SPATC1L: variants seen among roughly 807,000 people sequenced by gnomAD.
SPATC1L encodes spermatogenesis and centriole associated 1 like, also known as speriolin-like protein.
In SPATC1L, 20 loss-of-function variants were observed where a neutral mutation model predicts 21.2. The observed-to-expected ratio is 0.94, with a 90% CI of 0.66 to 1.37. The LOEUF is 1.37. SPATC1L is among the 40% of genes most tolerant of loss of function. The pLI, the probability that SPATC1L is intolerant of heterozygous loss-of-function variation, is 0.00. For missense variants in SPATC1L, 499 were observed against 478.7 expected (o/e 1.04, Z -0.40); for synonymous variants, 290 against 234.5 (o/e 1.24, Z -2.16).
chr21:46,166,083 T>C (rs62214046), intron 3 of SPATC1L, among the ~76,000 whole-genome samples: 9,063 of 152,218 alleles, frequency 0.06, 371 homozygotes, highest in Non-Finnish European at 0.094. Context: ...TGAATGTAAA[T>C]AGGCAGGTGC....
chr21:46,161,273 C>G lies in SPATC1L; in HGVS notation c.*106G>C. ...GCGGGGCCTTCTCTGGCCTCGCGCG[C>G]GGGGGACGCGGCCCTTTCCCCTCCG... On this transcript the variant is annotated 3_prime_UTR_variant, in exon 5 of 5. Coordinates refer to ENST00000291672, the MANE Select transcript of SPATC1L (RefSeq NM_001142854.2). 1 of 1,138,312 alleles carries G rather than the reference C, an allele frequency of 8.8e-7. No homozygotes were observed. Among genetic ancestry groups the G allele is most frequent in the Non-Finnish European group, 1.2e-6 (1 of 849,470 alleles). The allele number at this position is 1,138,312 out of a possible 1,614,324, so 70.5% of individuals were successfully genotyped here.
intron 2 of SPATC1L, among the ~76,000 whole-genome samples, chr21:46,169,515 T>C: frequency 1.4e-5 from 2 of 138,926 alleles, no homozygotes; most frequent in South Asian, 2.2e-4. Context: ...AGGAGCCCCC[T>C]GCTCTGTGAG....
In SPATC1L at chr21:46,162,680, C is replaced by T. The variant is rs147434776; in HGVS notation, c.545-613G>A. ...CCACTCACCGCAACCTCCGCCTCCC[C>T]GGCTCAAGCGATTCTCCTGCCTCAG... On this transcript the variant is annotated intron_variant, in intron 3 of 4. Coordinates refer to ENST00000291672, the MANE Select transcript of SPATC1L (RefSeq NM_001142854.2). Among the ~76,000 whole-genome samples the T allele has an allele frequency of 2.2e-3, 329 of 151,352 alleles. 1 individual carries two copies. Among genetic ancestry groups the T allele is most frequent in the African/African-American group, 7.4e-3 (304 of 41,118 alleles).
At chr21:46,170,390 T>A (rs2079577568) in intron 2 of SPATC1L, among the ~76,000 whole-genome samples, 1 of 99,208 alleles carries the variant, frequency 1.0e-5, no homozygotes, top group Non-Finnish European at 2.0e-5. Context: ...TCCTCTGTGG[T>A]CCAGGAGGAG....
chr21:46,182,836 G>A lies in SPATC1L; in HGVS notation c.-20C>T, dbSNP rs113955394. 48 of 1,504,958 alleles carry A rather than the reference G, an allele frequency of 3.2e-5. No homozygotes were observed. In the African/African-American group the frequency reaches 4.0e-4, roughly 13 times the overall value. The allele number at this position is 1,504,958 out of a possible 1,614,324, so 93.2% of individuals were successfully genotyped here. ...AGCCATGGCGGGTGCGTCCCTCCTT[G>A]TCCCTCACGGCTCCTGCAGCCCCAT... On this transcript the variant is annotated 5_prime_UTR_variant, in exon 2 of 5. Transcript: ENST00000291672.
At position 46,161,874 on chromosome 21, in the gene SPATC1L, C is replaced by T. The variant is rs114359056; in HGVS notation, c.696+42G>A. The T allele has an allele frequency of 4.6e-3, 7,372 of 1,590,026 alleles. 310 individuals are homozygous for T. The African/African-American group carries it at 0.085, about 18-fold the overall frequency. On this transcript the variant is annotated intron_variant, in intron 4 of 4. Coordinates refer to ENST00000291672, the MANE Select transcript of SPATC1L (RefSeq NM_001142854.2). ...GGGGGCCGCACAGGGACGGACCGAG[C>T]GCCCCGCACCCTCCTGGCCGCGCCC...
intron 3 of SPATC1L, among the ~76,000 whole-genome samples, chr21:46,164,621 A>G (rs1051509506): frequency 2.6e-5 from 4 of 151,832 alleles, no homozygotes; most frequent in African/African-American, 4.8e-5. Flanking sequence ...GTGAAACCCC[A>G]TCTCTACTAA....
chr21:46,181,740 G>A (rs1310633796), intron 2 of SPATC1L, among the ~76,000 whole-genome samples: 1 of 152,154 alleles, frequency 6.6e-6, no homozygotes, highest in African/African-American at 2.4e-5. Context: ...CTGCTCCATC[G>A]TCCAGGACCA....
chr21:46,181,711 C>T (rs952258329), intron 2 of SPATC1L, among the ~76,000 whole-genome samples: 3 of 152,180 alleles, frequency 2.0e-5, no homozygotes, highest in African/African-American at 4.8e-5. Context: ...GCAGTGTTCA[C>T]GGGCACTGGC....
intron 3 of SPATC1L, among the ~76,000 whole-genome samples, chr21:46,162,473 G>T (rs189020220): frequency 6.6e-6 from 1 of 152,126 alleles, no homozygotes; most frequent in Admixed American, 6.5e-5. Flanking sequence ...TGGGAGGAAG[G>T]GGGAGAGTTC....
In SPATC1L at chr21:46,161,499, G is replaced by T; in HGVS notation, c.903C>A (p.Ala301=). 1 of 1,607,202 alleles carries T rather than the reference G, an allele frequency of 6.2e-7. No individual in the cohort carries two copies. Among genetic ancestry groups the T allele is most frequent in the Non-Finnish European group, 8.5e-7 (1 of 1,176,702 alleles). ...LRANPLHSSP[A]ALRKLVIDVV... is the part of the protein sequence containing the mutation. Reference sequence around the variant, plus strand: ...CGTCGATGACCAGCTTGCGCAGCGCGGCCGGGCTGCTGTGCAGGGGGTTGG... The same window carrying T: ...CGTCGATGACCAGCTTGCGCAGCGCTGCCGGGCTGCTGTGCAGGGGGTTGG... Residue 301 remains alanine, a synonymous_variant, in exon 5 of 5, where the codon GCC becomes GCA. Transcript: ENST00000291672.
rs59210617 is a variant in SPATC1L at position 46,167,387 on chromosome 21, A to C, written c.544+921T>G. Reference sequence around the variant, plus strand: ...AGCTAATGATTCATCTTACAGAGCTAGAAATGCAAGAGCAAACCAAATCCA... The same window carrying C: ...AGCTAATGATTCATCTTACAGAGCTCGAAATGCAAGAGCAAACCAAATCCA... On this transcript the variant is annotated intron_variant, in intron 3 of 4. Transcript: ENST00000291672. 3.0e-4 allele frequency among the ~76,000 whole-genome samples: 46 copies of C among 152,370 alleles called. No individual in the cohort carries two copies. In the East Asian group the frequency reaches 6.4e-3, roughly 21 times the overall value.
rs751196576 is a variant in SPATC1L at position 46,182,692 on chromosome 21, C to A, written c.125G>T (p.Gly42Val). ...RRLLSQSCQE[G>V]GGHDLLPPRA... ...GGGTGGGAGCAGGTCGTGGCCGCCG[C>A]CCTCCTGGCAGCTCTGGCTGAGCAG... The change falls in exon 2 of 5, where the codon GGC becomes GTC. Residue 42 changes from glycine to valine, a missense_variant. By Grantham distance (109) the Gly-to-Val change is moderately radical. Transcript: ENST00000291672. 21 of 1,544,036 alleles carry A rather than the reference C, an allele frequency of 1.4e-5. No individual in the cohort carries two copies. Among genetic ancestry groups the A allele is most frequent in the Non-Finnish European group, 1.8e-5 (21 of 1,146,528 alleles).
chr21:46,170,121 G>A (rs1439667170), intron 2 of SPATC1L, among the ~76,000 whole-genome samples: 10 of 94,606 alleles, frequency 1.1e-4, no homozygotes, highest in Non-Finnish European at 1.6e-4. Flanking sequence ...CTGTGGATGG[G>A]GAGGAGCCCC....
chr21:46,176,856 G>A (rs946519625), intron 2 of SPATC1L, among the ~76,000 whole-genome samples: 2 of 152,148 alleles, frequency 1.3e-5, no homozygotes, highest in Admixed American at 1.3e-4. Flanking sequence ...AAAGCTGGAG[G>A]CATCACACTA....
intron 2 of SPATC1L, among the ~76,000 whole-genome samples, chr21:46,173,091 G>A (rs2079605883): frequency 6.6e-6 from 1 of 152,196 alleles, no homozygotes; most frequent in South Asian, 2.1e-4. Flanking sequence ...ACACAGCCAG[G>A]GACGGCCGTC....
Position 46,182,995 on chromosome 21 carries a change from C to G in SPATC1L, c.-179G>C, listed in dbSNP as rs1456733967. On this transcript the variant is annotated 5_prime_UTR_variant, in exon 2 of 5. Coordinates refer to ENST00000291672, the MANE Select transcript of SPATC1L (RefSeq NM_001142854.2). ...GTGCCCAGCACCCTGCCTGCCCCCG[C>G]GATGGCTCATGGCCCCGTTGAGGCA... is the stretch of plus-strand genomic sequence containing the variant. 5 of 624,254 alleles carry G rather than the reference C, an allele frequency of 8.0e-6. No homozygotes were observed. Among genetic ancestry groups the G allele is most frequent in the Non-Finnish European group, 7.8e-6 (3 of 385,638 alleles). 38.7% of individuals were successfully genotyped at this position (624,254 alleles called of 1,614,324 possible). A position where few individuals can be genotyped will look rare whatever the true frequency, so the allele number is the denominator to read the frequency against.
chr21:46,161,491 C>T lies in SPATC1L; in HGVS notation c.911G>A (p.Arg304His), dbSNP rs749029733. ...GGGCACCACGTCGATGACCAGCTTGCGCAGCGCGGCCGGGCTGCTGTGCAG... is the reference window on the plus strand; with the variant it reads ...GGGCACCACGTCGATGACCAGCTTGTGCAGCGCGGCCGGGCTGCTGTGCAG... ...NPLHSSPAAL[R>H]KLVIDVVPPK... Residue 304 changes from arginine (R) to histidine (H), a missense_variant, in exon 5 of 5, where the codon CGC (arginine) becomes CAC (histidine). By Grantham distance (29) the Arg-to-His change is conservative. Transcript: ENST00000291672. 12 of 1,605,590 alleles carry T rather than the reference C, an allele frequency of 7.5e-6. No individual in the cohort carries two copies. The East Asian group carries it at 1.6e-4, about 21-fold the overall frequency.
chr21:46,182,567 G>GT, intron 2 of SPATC1L, 57 bp downstream of exon 2: 1 of 1,400,508 alleles, frequency 7.1e-7, no homozygotes, highest in Admixed American at 2.9e-5. Context: ...CTCCCGGGGA[G>GT]CAGGCGTCCC....
Sources: gnomAD v4.1 joint callset for allele counts (sites outside exome capture counted in the v4.1 genomes callset) on GRCh38, gnomAD v4.1.1 for gene constraint, MANE v1.5 for transcripts, NCBI Gene and HGNC (gene_info 2026-07-23, HGNC 2026-07-21) for gene names.